Variants in EHBP1 observed in about 807,000 individuals in gnomAD.
EHBP1 encodes EH domain-binding protein 1.
A neutral mutation model predicts 144.0 loss-of-function variants in EHBP1; 55 were observed. That is an observed-to-expected ratio of 0.38 (90% CI 0.31 to 0.48). The LOEUF (loss-of-function observed/expected upper bound fraction) is 0.48, where lower values mean the gene tolerates loss of function less well. EHBP1 is among the 20% of genes least tolerant of loss of function. The probability of loss-of-function intolerance (pLI) is 0.98; values close to 1 mark genes in which losing one functional copy is unlikely to be tolerated. For synonymous variants in EHBP1, 469 were observed against 472.7 expected, an observed-to-expected ratio of 0.99 and a Z score of 0.10; for missense variants, 1,200 against 1,364.2, an observed-to-expected ratio of 0.88 and a Z score of 1.90.
chr2:62,920,867 C>T (rs1158514315), intron 10 of EHBP1, among the ~76,000 whole-genome samples: 2 of 151,888 alleles, frequency 1.3e-5, no homozygotes, highest in Non-Finnish European at 2.9e-5. Flanking sequence ...TGGGTTTTCA[C>T]CATGTTGGCC....
chr2:62,934,881 T>C lies in EHBP1; in HGVS notation c.1186-7837T>C, dbSNP rs531131007. Among the ~76,000 whole-genome samples, 314 of 152,270 alleles carry C rather than the reference T, an allele frequency of 2.1e-3. 2 individuals carry two copies. Among genetic ancestry groups the C allele is most frequent in the African/African-American group, 6.6e-3 (273 of 41,560 alleles). ...CTTCTCACTTTTTAGCATAATCCTA[T>C]ATATTTCCATGGAATTCATGTTAGG... On this transcript the variant is annotated intron_variant, in intron 10 of 22. Coordinates refer to ENST00000431489, the MANE Select transcript of EHBP1 (RefSeq NM_001142616.3).
chr2:63,030,375 A>G (rs2061182643), intron 19 of EHBP1, among the ~76,000 whole-genome samples: 1 of 152,144 alleles, frequency 6.6e-6, no homozygotes. Context: ...ATGCTTATAA[A>G]TATCTGTTTT....
chr2:62,893,882 A>G (rs2052658983), intron 10 of EHBP1, among the ~76,000 whole-genome samples: 1 of 152,126 alleles, frequency 6.6e-6, no homozygotes, highest in Non-Finnish European at 1.5e-5. Flanking sequence ...TGTCTCCACT[A>G]CAAATACAAA....
intron 10 of EHBP1, among the ~76,000 whole-genome samples, chr2:62,894,927 A>AGAGAGAGAGAGAGAGAGAGAGAGAG (rs71410972): frequency 7.8e-5 from 11 of 141,108 alleles, no homozygotes; most frequent in Admixed American, 2.9e-4. Context: ...AACAGAAAGA[A>AGAGAGAGAGAGAGAGAGAGAGAGAG]AGAGAGAGAG....
chr2:62,971,953 C>A (rs750746449), intron 14 of EHBP1, among the ~76,000 whole-genome samples: 1 of 152,138 alleles, frequency 6.6e-6, no homozygotes, highest in Non-Finnish European at 1.5e-5. Context: ...CAGACCCTTT[C>A]TCAGAAACAG....
intron 10 of EHBP1, among the ~76,000 whole-genome samples, chr2:62,913,009 A>G (rs2054343195): frequency 6.6e-6 from 1 of 152,188 alleles, no homozygotes; most frequent in Non-Finnish European, 1.5e-5. Context: ...CTCTCTGATG[A>G]GGAGGGAAGA....
rs144802855 is a variant in EHBP1 at position 62,807,362 on chromosome 2, A to G, written c.313-18725A>G. On this transcript the variant is annotated intron_variant, in intron 5 of 22. Transcript: ENST00000431489. ...CGGGAGTTCAAGACCAGCCTGACCA[A>G]CACGGAGAAACCCCCATCTCTACTA... 8.0e-4 allele frequency among the ~76,000 whole-genome samples: 122 copies of G among 152,262 alleles called. 1 individual carries two copies. In the East Asian group the frequency reaches 0.021, roughly 26 times the overall value.
At chr2:62,885,901 T>C (rs1177337022) in intron 10 of EHBP1, among the ~76,000 whole-genome samples, 1 of 152,202 alleles carries the variant, frequency 6.6e-6, no homozygotes, top group African/African-American at 2.4e-5. Context: ...ACCCTATCTG[T>C]ATCTTATGGC....
At chr2:62,781,724 T>C (rs1028481042) in intron 5 of EHBP1, among the ~76,000 whole-genome samples, 4 of 152,048 alleles carry the variant, frequency 2.6e-5, no homozygotes, top group Admixed American at 2.0e-4. Context: ...TTTTAAAGAG[T>C]GGTTGATTTT....
intron 1 of EHBP1, among the ~76,000 whole-genome samples, chr2:62,681,690 G>A (rs1043108167): frequency 2.0e-5 from 3 of 152,012 alleles, no homozygotes; most frequent in African/African-American, 7.3e-5. Context: ...TTTTGCACCT[G>A]GAAGGAAATA....
At chr2:62,825,001 A>G (rs2046244461) in intron 5 of EHBP1, among the ~76,000 whole-genome samples, 1 of 151,934 alleles carries the variant, frequency 6.6e-6, no homozygotes, top group Admixed American at 6.6e-5. Flanking sequence ...TTAGCCTCCT[A>G]ATTTTATGGA....
intron 7 of EHBP1, among the ~76,000 whole-genome samples, chr2:62,832,440 T>C (rs1052104668): frequency 1.6e-4 from 23 of 143,800 alleles, no homozygotes; most frequent in Admixed American, 1.6e-3. Context: ...TCTTTTTTCT[T>C]TTTTTTTTTT....
chr2:62,808,612 G>A (rs1009693164), intron 5 of EHBP1, among the ~76,000 whole-genome samples: 2 of 151,982 alleles, frequency 1.3e-5, no homozygotes, highest in African/African-American at 2.4e-5. Flanking sequence ...CTATATCTGA[G>A]TCTGGTTCTG....
chr2:62,707,871 A>T (rs914543221), intron 2 of EHBP1, among the ~76,000 whole-genome samples: 4 of 152,218 alleles, frequency 2.6e-5, no homozygotes, highest in Non-Finnish European at 5.9e-5. Flanking sequence ...TTAATTGCCT[A>T]ATGGGATACA....
At chr2:62,758,885 T>G (rs913777112) in intron 3 of EHBP1, among the ~76,000 whole-genome samples, 2 of 152,216 alleles carry the variant, frequency 1.3e-5, no homozygotes, top group African/African-American at 2.4e-5. Context: ...TATGACATCT[T>G]ATGTGGATAT....
At chr2:62,768,990 C>G (rs2041412038) in intron 4 of EHBP1, among the ~76,000 whole-genome samples, 1 of 152,076 alleles carries the variant, frequency 6.6e-6, no homozygotes, top group South Asian at 2.1e-4. Context: ...ACTCTCAAAA[C>G]TAGGTATTGA....
chr2:62,963,639 A>C (rs762812580), intron 14 of EHBP1, among the ~76,000 whole-genome samples: 3 of 152,214 alleles, frequency 2.0e-5, no homozygotes, highest in Non-Finnish European at 2.9e-5. Flanking sequence ...TATCAATTCT[A>C]CTGTTAGGAA....
At chr2:62,856,360 ACCAC>A (rs2049055900) in intron 7 of EHBP1, among the ~76,000 whole-genome samples, 1 of 152,176 alleles carries the variant, frequency 6.6e-6, no homozygotes, top group South Asian at 2.1e-4. Context: ...TCCAGGTGCC[ACCAC>A]GTTCCCAGTG....
chr2:62,968,904 A>G (rs1306155596), intron 14 of EHBP1, among the ~76,000 whole-genome samples: 1 of 152,212 alleles, frequency 6.6e-6, no homozygotes, highest in Non-Finnish European at 1.5e-5. Flanking sequence ...GGCCAGATCT[A>G]AGGAGCCAGA....
Sources: gnomAD v4.1 joint callset for allele counts (sites outside exome capture counted in the v4.1 genomes callset) on GRCh38, gnomAD v4.1.1 for gene constraint, MANE v1.5 for transcripts, NCBI Gene and HGNC (gene_info 2026-07-23, HGNC 2026-07-21) for gene names.